RUNDC3B: variants seen among roughly 807,000 people sequenced by gnomAD.
RUNDC3B encodes RUN domain containing 3B, also known as RUN domain-containing protein 3B.
Under a neutral mutation model 58.4 loss-of-function variants are expected in RUNDC3B, and 33 were observed. That is an observed-to-expected ratio of 0.56 (90% CI 0.43 to 0.75). The LOEUF (loss-of-function observed/expected upper bound fraction) is 0.75. Among genes scored for constraint, RUNDC3B ranks in the 30% least tolerant of loss-of-function variants. The pLI is 0.00. For missense variants in RUNDC3B, 501 were observed against 535.7 expected, an observed-to-expected ratio of 0.94 and a Z score of 0.64; for synonymous variants, 193 against 195.2, an observed-to-expected ratio of 0.99 and a Z score of 0.10.
intron 2 of RUNDC3B, among the ~76,000 whole-genome samples, chr7:87,674,284 A>G (rs968727984): frequency 4.6e-5 from 7 of 152,088 alleles, no homozygotes; most frequent in African/African-American, 1.7e-4. Context: ...GCAGGTACTT[A>G]TGCAGTTGTG....
intron 2 of RUNDC3B, among the ~76,000 whole-genome samples, chr7:87,681,192 A>T (rs574661479): frequency 6.6e-6 from 1 of 150,788 alleles, no homozygotes; most frequent in African/African-American, 2.5e-5. Flanking sequence ...ATCAGTATTT[A>T]AAACCTTCCA....
intron 6 of RUNDC3B, among the ~76,000 whole-genome samples, chr7:87,748,083 G>A (rs1005488532): frequency 1.3e-5 from 2 of 152,150 alleles, no homozygotes; most frequent in Non-Finnish European, 2.9e-5. Context: ...TCCTCTGGCT[G>A]CCCTCCCTTT....
chr7:87,761,324 A>T (rs936733679), intron 6 of RUNDC3B, among the ~76,000 whole-genome samples: 38 of 152,056 alleles, frequency 2.5e-4, no homozygotes, highest in African/African-American at 8.2e-4. Context: ...TCAACAAAAC[A>T]TAATAAGTAT....
At chr7:87,748,305 C>T (rs934641873) in intron 6 of RUNDC3B, among the ~76,000 whole-genome samples, 7 of 152,280 alleles carry the variant, frequency 4.6e-5, no homozygotes, top group Admixed American at 2.0e-4. Context: ...TTCCCACTTC[C>T]GCAGTTGGGG....
intron 9 of RUNDC3B, among the ~76,000 whole-genome samples, chr7:87,810,448 C>T (rs1027768033): frequency 6.6e-6 from 1 of 152,260 alleles, no homozygotes; most frequent in African/African-American, 2.4e-5. Flanking sequence ...TACAAAAAAT[C>T]TCCTGAATTA....
At chr7:87,718,940 A>C (rs1223905255) in intron 4 of RUNDC3B, among the ~76,000 whole-genome samples, 1 of 152,098 alleles carries the variant, frequency 6.6e-6, no homozygotes, top group Admixed American at 6.6e-5. Flanking sequence ...GTAGATGATA[A>C]GGTTTTGTAA....
At chr7:87,764,226 A>T (rs923416739) in intron 6 of RUNDC3B, among the ~76,000 whole-genome samples, 4 of 151,844 alleles carry the variant, frequency 2.6e-5, no homozygotes, top group Admixed American at 1.3e-4. Context: ...ATCTGTGGTA[A>T]GACATGTGTA....
intron 10 of RUNDC3B, among the ~76,000 whole-genome samples, chr7:87,818,708 A>G (rs1276900798): frequency 6.6e-6 from 1 of 152,202 alleles, no homozygotes; most frequent in Non-Finnish European, 1.5e-5. Context: ...CTGTGAGCAC[A>G]GGGGTGGAGG....
chr7:87,728,440 C>CA (rs1279986126), intron 4 of RUNDC3B, among the ~76,000 whole-genome samples: 1 of 152,120 alleles, frequency 6.6e-6, no homozygotes, highest in Non-Finnish European at 1.5e-5. Context: ...TATTATTTTC[C>CA]AATTCTGAAG....
chr7:87,745,511 C>A (rs1384920931), intron 6 of RUNDC3B, among the ~76,000 whole-genome samples: 1 of 151,348 alleles, frequency 6.6e-6, no homozygotes, highest in Non-Finnish European at 1.5e-5. Context: ...GTCTGTTCAG[C>A]GTATCTAATT....
intron 6 of RUNDC3B, among the ~76,000 whole-genome samples, chr7:87,767,158 T>G (rs1360112010): frequency 6.6e-6 from 1 of 152,216 alleles, no homozygotes; most frequent in Admixed American, 6.5e-5. Flanking sequence ...GATCTCTTTG[T>G]GTTGTTTCCC....
In RUNDC3B at chr7:87,628,549, G is replaced by C. The variant is rs368628950; in HGVS notation, c.-275G>C. On this transcript the variant is annotated 5_prime_UTR_variant, in exon 1 of 11. Transcript: ENST00000394654. The stretch of plus-strand genomic sequence containing the variant: ...GACCCGCAGGCGCAGCCCGGCAGTC[G>C]GCGGCGCGCCGAGGGCGGAGGTGGT... The C allele has an allele frequency of 1.1e-3, 345 of 309,214 alleles. 3 individuals carry two copies. In the East Asian group the frequency reaches 0.015, roughly 13 times the overall value. 19.2% of individuals were successfully genotyped at this position (309,214 alleles called of 1,614,324 possible).
chr7:87,760,559 A>G (rs1199177930), intron 6 of RUNDC3B, among the ~76,000 whole-genome samples: 1 of 152,096 alleles, frequency 6.6e-6, no homozygotes, highest in Non-Finnish European at 1.5e-5. Context: ...GAGGACTCAT[A>G]CATCCTAACT....
chr7:87,654,883 C>T (rs1468924773), intron 2 of RUNDC3B, among the ~76,000 whole-genome samples: 1 of 151,984 alleles, frequency 6.6e-6, no homozygotes, highest in Non-Finnish European at 1.5e-5. Context: ...AGGCAAAGAA[C>T]CTGAATAGAC....
intron 4 of RUNDC3B, among the ~76,000 whole-genome samples, chr7:87,720,394 A>G (rs531191057): frequency 3.4e-4 from 52 of 152,234 alleles, no homozygotes; most frequent in African/African-American, 1.1e-3. Flanking sequence ...ATGCACTCCC[A>G]TGAACTTCTG....
intron 8 of RUNDC3B, among the ~76,000 whole-genome samples, chr7:87,797,466 A>G (rs986990002): frequency 1.3e-5 from 2 of 152,196 alleles, no homozygotes; most frequent in Admixed American, 6.5e-5. Flanking sequence ...TTTAGTGATT[A>G]TAAGATCAGG....
At chr7:87,772,121 T>C (rs1834316289) in intron 7 of RUNDC3B, among the ~76,000 whole-genome samples, 2 of 152,162 alleles carry the variant, frequency 1.3e-5, no homozygotes, top group South Asian at 4.1e-4. Flanking sequence ...ACATAGATAA[T>C]AGTTAAAATA....
chr7:87,724,017 T>C (rs1193788585), intron 4 of RUNDC3B, among the ~76,000 whole-genome samples: 1 of 151,866 alleles, frequency 6.6e-6, no homozygotes, highest in South Asian at 2.1e-4. Flanking sequence ...AGCCCAGGAG[T>C]TGGAGACCAG....
intron 8 of RUNDC3B, among the ~76,000 whole-genome samples, chr7:87,792,950 C>T (rs749330845): frequency 7.9e-5 from 12 of 151,586 alleles, no homozygotes; most frequent in Admixed American, 2.6e-4. Context: ...AAACCCTTGC[C>T]GGACTAATGA....
Sources: allele counts gnomAD v4.1 joint callset (sites outside exome capture counted in the v4.1 genomes callset), GRCh38; gene constraint gnomAD v4.1.1; transcripts MANE v1.5; gene names NCBI Gene and HGNC (gene_info 2026-07-23, HGNC 2026-07-21).